The following IGFBP7 variants were observed in gnomAD, a reference collection of about 807,000 sequenced individuals.
The protein encoded by IGFBP7 is insulin like growth factor binding protein 7, also known as insulin-like growth factor-binding protein 7.
In IGFBP7, 31 loss-of-function variants were observed where a neutral mutation model predicts 29.4. That is an observed-to-expected ratio of 1.05 (90% CI 0.79 to 1.42). The LOEUF is 1.42. Ranked by LOEUF, IGFBP7 falls within the 40% of genes most tolerant of loss-of-function variation. IGFBP7 has a pLI of 0.00. For missense variants in IGFBP7, 393 were observed against 395.5 expected (o/e 0.99, Z 0.05); for synonymous variants, 172 against 174.9 (o/e 0.98, Z 0.13).
intron 1 of IGFBP7, among the ~76,000 whole-genome samples, chr4:57,090,107 A>G (rs917063710): frequency 2.0e-5 from 3 of 152,196 alleles, no homozygotes; most frequent in African/African-American, 4.8e-5. Flanking sequence ...CAAGTTTTCT[A>G]TTACTTGCAG....
intron 1 of IGFBP7, among the ~76,000 whole-genome samples, chr4:57,075,170 T>A (rs1282562917): frequency 6.6e-6 from 1 of 152,202 alleles, no homozygotes; most frequent in Non-Finnish European, 1.5e-5. Flanking sequence ...CTAAAATGAG[T>A]ATAGCTTTGG....
intron 1 of IGFBP7, among the ~76,000 whole-genome samples, chr4:57,063,655 T>C (rs957581204): frequency 2.6e-5 from 4 of 152,150 alleles, no homozygotes; most frequent in African/African-American, 9.7e-5. Flanking sequence ...AAGGGCATGG[T>C]TTAGCATTTG....
At chr4:57,041,421 C>T (rs4865172) in intron 1 of IGFBP7, among the ~76,000 whole-genome samples, 57,496 of 152,066 alleles carry the variant, frequency 0.38, 11,048 homozygotes, top group Admixed American at 0.43. Context: ...AAGTCTCTGC[C>T]TCAAGAAGCT....
intron 1 of IGFBP7, among the ~76,000 whole-genome samples, chr4:57,096,237 T>C (rs879497471): frequency 1.3e-5 from 2 of 148,616 alleles, no homozygotes; most frequent in African/African-American, 2.5e-5. Context: ...CTGCACTACA[T>C]TGGGTGATCA....
At chr4:57,044,774 G>A (rs11937978) in intron 1 of IGFBP7, among the ~76,000 whole-genome samples, 57,093 of 152,072 alleles carry the variant, frequency 0.38, 11,274 homozygotes, top group East Asian at 0.51. Flanking sequence ...TTGTACTAAA[G>A]TTGAAGCACT....
intron 1 of IGFBP7, among the ~76,000 whole-genome samples, chr4:57,105,964 T>G (rs1283489959): frequency 2.0e-5 from 3 of 147,326 alleles, no homozygotes; most frequent in African/African-American, 7.6e-5. Flanking sequence ...AGGAGTGCAG[T>G]GGTGCTATCT....
At chr4:57,091,551 G>T (rs1313916244) in intron 1 of IGFBP7, among the ~76,000 whole-genome samples, 9 of 152,162 alleles carry the variant, frequency 5.9e-5, no homozygotes, top group Non-Finnish European at 1.3e-4. Flanking sequence ...CAGGGTTATT[G>T]TGAGGATTAA....
intron 1 of IGFBP7, among the ~76,000 whole-genome samples, chr4:57,059,581 A>C (rs916746244): frequency 2.0e-5 from 3 of 152,044 alleles, no homozygotes; most frequent in African/African-American, 7.2e-5. Flanking sequence ...AACAACAGAC[A>C]CTGGGTCTAC....
intron 1 of IGFBP7, among the ~76,000 whole-genome samples, chr4:57,063,257 C>T (rs535543183): frequency 2.0e-5 from 3 of 152,266 alleles, no homozygotes; most frequent in South Asian, 4.1e-4. Context: ...TGAATCCAAC[C>T]CCTCCAACTT....
chr4:57,040,729 A>G (rs577373236), intron 2 of IGFBP7, 95 bp downstream of exon 2: 46 of 939,498 alleles, frequency 4.9e-5, no homozygotes, highest in African/African-American at 1.3e-4. Flanking sequence ...GCCGCAGTCA[A>G]CAAAGCAGGC....
chr4:57,071,915 T>C (rs1252025873), intron 1 of IGFBP7, among the ~76,000 whole-genome samples: 1 of 152,134 alleles, frequency 6.6e-6, no homozygotes, highest in African/African-American at 2.4e-5. Flanking sequence ...ATGGAAAGAT[T>C]GCTTGAGGAC....
chr4:57,079,707 T>C (rs1213888469), intron 1 of IGFBP7, among the ~76,000 whole-genome samples: 2 of 152,242 alleles, frequency 1.3e-5, no homozygotes, highest in African/African-American at 4.8e-5. Flanking sequence ...AAATTCTATA[T>C]GAAATCTTCC....
chr4:57,079,738 T>A (rs1002307626), intron 1 of IGFBP7, among the ~76,000 whole-genome samples: 4 of 152,236 alleles, frequency 2.6e-5, no homozygotes, highest in Non-Finnish European at 5.9e-5. Flanking sequence ...CTGTCCAACA[T>A]CTAACAGCGC....
At chr4:57,053,728 G>A (rs1366771397) in intron 1 of IGFBP7, among the ~76,000 whole-genome samples, 1 of 152,114 alleles carries the variant, frequency 6.6e-6, no homozygotes, top group African/African-American at 2.4e-5. Context: ...TGAGGACCTG[G>A]AAGAACTGAC....
chr4:57,032,529 AT>A lies in IGFBP7; in HGVS notation c.725del (p.Asp242ValfsTer33). The A allele has an allele frequency of 1.2e-6, 2 of 1,614,008 alleles. No individual in the cohort carries two copies. Among genetic ancestry groups the A allele is most frequent in the African/African-American group, 2.7e-5 (2 of 75,048 alleles). ...ATGCATGGCACTCATATTCTCCAGC[AT>A]CTTCCTTACTTAGAGGAGATACCTG... ...WVLVSPLSKE[D>X]AGEYECHASN... On this transcript the variant is annotated frameshift_variant, in exon 4 of 5. Coordinates refer to ENST00000295666, the MANE Select transcript of IGFBP7 (RefSeq NM_001553.3). LOFTEE classifies it high-confidence loss of function.
At chr4:57,069,335 T>A (rs936983427) in intron 1 of IGFBP7, among the ~76,000 whole-genome samples, 3 of 152,100 alleles carry the variant, frequency 2.0e-5, no homozygotes, top group Non-Finnish European at 4.4e-5. Context: ...ATGCCTATAA[T>A]CCCAGTGCTT....
Position 57,104,944 on chromosome 4 carries a change from T to A in IGFBP7, c.475+4933A>T, listed in dbSNP as rs113820001. Among the ~76,000 whole-genome samples, 3 of 152,342 alleles carry A rather than the reference T, an allele frequency of 2.0e-5. 1 individual carries two copies. Among genetic ancestry groups the A allele is most frequent in the African/African-American group, 7.2e-5 (3 of 41,578 alleles). On this transcript the variant is annotated intron_variant, in intron 1 of 4. Transcript: ENST00000295666. ...ACAGGAAGGTGCTTTCTTAAGAGGA[T>A]TCCTTTGTTAATCAACAAATATTTA...
chr4:57,084,152 G>T (rs1389033968), intron 1 of IGFBP7, among the ~76,000 whole-genome samples: 14 of 152,074 alleles, frequency 9.2e-5, no homozygotes, highest in Admixed American at 5.9e-4. Flanking sequence ...AGCTAATTTT[G>T]TTCGCATTTT....
chr4:57,042,014 C>T (rs1724237554), intron 1 of IGFBP7, among the ~76,000 whole-genome samples: 1 of 152,184 alleles, frequency 6.6e-6, no homozygotes, highest in African/African-American at 2.4e-5. Flanking sequence ...GTGTCCAGGT[C>T]CCTGGCAGGA....
Sources: allele counts gnomAD v4.1 joint callset (sites outside exome capture counted in the v4.1 genomes callset), GRCh38; gene constraint gnomAD v4.1.1; transcripts MANE v1.5; gene names NCBI Gene and HGNC (gene_info 2026-07-23, HGNC 2026-07-21).